Variants in CTDSPL observed in about 807,000 individuals in gnomAD.
CTDSPL encodes CTD small phosphatase like.
A neutral mutation model predicts 30.5 loss-of-function variants in CTDSPL; 8 were observed. The observed-to-expected ratio is 0.26, with a 90% CI of 0.15 to 0.47. The LOEUF (loss-of-function observed/expected upper bound fraction) is 0.47. Ranked by LOEUF, CTDSPL falls within the 20% of genes least tolerant of loss-of-function variation. The probability of loss-of-function intolerance (pLI) is 0.99; values close to 1 mark genes in which losing one functional copy is unlikely to be tolerated. For synonymous variants in CTDSPL, 110 were observed against 137.9 expected, an observed-to-expected ratio of 0.80 and a Z score of 1.42; for missense variants, 248 against 366.1, an observed-to-expected ratio of 0.68 and a Z score of 2.63.
intron 1 of CTDSPL, among the ~76,000 whole-genome samples, chr3:37,941,398 GCTTT>G (rs1698976046): frequency 6.7e-6 from 1 of 149,296 alleles, no homozygotes. Flanking sequence ...CTATGGGCAT[GCTTT>G]CTTTCTATCT....
intron 1 of CTDSPL, among the ~76,000 whole-genome samples, chr3:37,898,907 A>G (rs1407877165): frequency 6.6e-6 from 1 of 152,234 alleles, no homozygotes; most frequent in Non-Finnish European, 1.5e-5. Context: ...ATTAAGGAGC[A>G]TTCTAGGCAA....
intron 2 of CTDSPL, among the ~76,000 whole-genome samples, chr3:37,949,426 T>TTAAAAATACTA (rs1452344995): frequency 6.6e-6 from 1 of 152,186 alleles, no homozygotes; most frequent in East Asian, 1.9e-4. Context: ...CAACAGGCAG[T>TTAAAAATACTA]TGGTTAAAAA....
Position 37,969,535 on chromosome 3 carries a change from A to G in CTDSPL, c.426+1653A>G, listed in dbSNP as rs368569783. 64 of 423,324 alleles carry G rather than the reference A, an allele frequency of 1.5e-4. 1 individual carries two copies. The highest frequency in any genetic ancestry group is 1.3e-3 in the African/African-American group (61 of 48,560). The allele number at this position is 423,324 out of a possible 1,614,324, so 26.2% of individuals were successfully genotyped here. A position where few individuals can be genotyped will look rare whatever the true frequency, so the allele number is the denominator to read the frequency against. ...ACCCCCCTCTCTGCCAGAGGCACCA[A>G]CACCAGAGTTCACAAATCAGTCTCC... On this transcript the variant is annotated intron_variant, in intron 5 of 7. Coordinates refer to ENST00000273179, the MANE Select transcript of CTDSPL (RefSeq NM_001008392.2).
intron 1 of CTDSPL, among the ~76,000 whole-genome samples, chr3:37,905,464 A>G (rs1698503345): frequency 6.6e-6 from 1 of 152,146 alleles, no homozygotes; most frequent in African/African-American, 2.4e-5. Flanking sequence ...AATATCCTGG[A>G]GTTTTTTTCC....
intron 6 of CTDSPL, among the ~76,000 whole-genome samples, chr3:37,973,928 T>C (rs1699395923): frequency 1.3e-5 from 2 of 152,168 alleles, no homozygotes; most frequent in African/African-American, 2.4e-5. Context: ...AGGAAATAGA[T>C]CATCTTTTTC....
At chr3:37,869,351 C>A (rs9809204) in intron 1 of CTDSPL, among the ~76,000 whole-genome samples, 3,594 of 152,080 alleles carry the variant, frequency 0.024, 148 homozygotes, top group African/African-American at 0.082. Flanking sequence ...TCCTACAATG[C>A]TGTAGAGTGT....
intron 1 of CTDSPL, among the ~76,000 whole-genome samples, chr3:37,866,644 C>T (rs1316599566): frequency 6.6e-6 from 1 of 152,126 alleles, no homozygotes; most frequent in Non-Finnish European, 1.5e-5. Flanking sequence ...GACATCTAAA[C>T]AGTTAATTAT....
At position 37,957,116 on chromosome 3, in the gene CTDSPL, C is replaced by T. The variant is rs1210968886; in HGVS notation, c.240C>T (p.Asp80=). The T allele has an allele frequency of 6.3e-7, 1 of 1,598,936 alleles. No homozygotes were observed. Among genetic ancestry groups the T allele is most frequent in the Non-Finnish European group, 8.5e-7 (1 of 1,171,196 alleles). ...TTTTTTTTCTTTTTCCTCAGGGTGA[C>T]CAGAGGCAGGTCATTCCCATACCAA... ...VEENGGLQKG[D]QRQVIPIPSP... The change falls in exon 3 of 8, where the codon GAC becomes GAT. Residue 80 remains aspartate, a synonymous_variant. Transcript: ENST00000273179.
intron 2 of CTDSPL, among the ~76,000 whole-genome samples, chr3:37,947,634 C>G (rs1699055102): frequency 6.6e-6 from 1 of 152,072 alleles, no homozygotes; most frequent in Non-Finnish European, 1.5e-5. Flanking sequence ...TTGAAATTAC[C>G]AAGAAAAGTA....
chr3:37,897,557 G>C (rs1214310260), intron 1 of CTDSPL, among the ~76,000 whole-genome samples: 1 of 152,060 alleles, frequency 6.6e-6, no homozygotes, highest in African/African-American at 2.4e-5. Context: ...TATTATCTCT[G>C]ATGTAGTAAG....
chr3:37,964,665 C>T lies in CTDSPL; in HGVS notation c.362C>T (p.Ser121Leu), dbSNP rs1240848282. 1.9e-6 allele frequency: 3 copies of T among 1,606,792 alleles called. No homozygotes were observed. Among genetic ancestry groups the T allele is most frequent in the Non-Finnish European group, 2.6e-6 (3 of 1,175,066 alleles). ...TTAGATGAAACATTGGTGCACAGTTCGTTTAAGGTAAATCAACATAAAAAA... is the reference window on the plus strand; with the variant it reads ...TTAGATGAAACATTGGTGCACAGTTTGTTTAAGGTAAATCAACATAAAAAA... ...IDLDETLVHS[S>L]FKPISNADFI... Residue 121 changes from serine (S) to leucine (L), a missense_variant, in exon 4 of 8, where the codon TCG becomes TTG. Physicochemically the swap from Ser to Leu is moderately radical, Grantham distance 145. Transcript: ENST00000273179.
intron 5 of CTDSPL, chr3:37,969,297 C>A: frequency 2.2e-6 from 1 of 462,288 alleles, no homozygotes; most frequent in South Asian, 1.6e-5. Flanking sequence ...TCCATCCTGG[C>A]TGTGCTGTGA....
intron 1 of CTDSPL, among the ~76,000 whole-genome samples, chr3:37,906,898 A>G (rs1575291973): frequency 6.6e-6 from 1 of 152,258 alleles, no homozygotes; most frequent in South Asian, 2.1e-4. Flanking sequence ...GCCCACACAC[A>G]GTGGTTATGA....
At chr3:37,880,125 T>G (rs1698186431) in intron 1 of CTDSPL, among the ~76,000 whole-genome samples, 1 of 147,734 alleles carries the variant, frequency 6.8e-6, no homozygotes, top group Non-Finnish European at 1.5e-5. Context: ...ATTATATATA[T>G]ATAAAAATAA....
At chr3:37,931,578 GTTC>G (rs1233584912) in intron 1 of CTDSPL, among the ~76,000 whole-genome samples, 1 of 151,974 alleles carries the variant, frequency 6.6e-6, no homozygotes, top group Non-Finnish European at 1.5e-5. Flanking sequence ...CAGTTCTTTT[GTTC>G]TTCTTTCCTC....
chr3:37,921,607 CCACACACA>C (rs58395906), intron 1 of CTDSPL, among the ~76,000 whole-genome samples: 127 of 147,718 alleles, frequency 8.6e-4, no homozygotes, highest in East Asian at 3.6e-3. Context: ...ACCCTAACTA[CCACACACA>C]CACACACACA....
chr3:37,910,174 G>A (rs905911136), intron 1 of CTDSPL, among the ~76,000 whole-genome samples: 2 of 152,160 alleles, frequency 1.3e-5, no homozygotes, highest in African/African-American at 4.8e-5. Flanking sequence ...CCACATAATA[G>A]TTAGTATAAA....
At chr3:37,892,074 G>A (rs1698334543) in intron 1 of CTDSPL, among the ~76,000 whole-genome samples, 3 of 152,082 alleles carry the variant, frequency 2.0e-5, no homozygotes, top group Non-Finnish European at 4.4e-5. Context: ...TTCTTTATAT[G>A]GATGCACCTT....
intron 1 of CTDSPL, among the ~76,000 whole-genome samples, chr3:37,935,769 A>T (rs1004946994): frequency 6.6e-6 from 1 of 152,190 alleles, no homozygotes; most frequent in Non-Finnish European, 1.5e-5. Flanking sequence ...GGCAGGCAGC[A>T]TTGGGCCTCA....
Sources: gnomAD v4.1 joint callset for allele counts (sites outside exome capture counted in the v4.1 genomes callset) on GRCh38, gnomAD v4.1.1 for gene constraint, MANE v1.5 for transcripts, NCBI Gene and HGNC (gene_info 2026-07-23, HGNC 2026-07-21) for gene names.